LRTM3: variants seen among roughly 807,000 people sequenced by gnomAD.
LRTM3 encodes the protein leucine-rich repeat transmembrane protein 3.
the LRTM3 span, chr13:102,743,998 A>T: frequency 6.5e-7 from 1 of 1,550,282 alleles, no homozygotes; most frequent in Non-Finnish European, 8.7e-7. Context: ...TGTTAGATAG[A>T]ATGCACCTCG....
the LRTM3 span, chr13:102,745,704 G>T: frequency 6.4e-7 from 1 of 1,551,094 alleles, no homozygotes; most frequent in Admixed American, 2.0e-5. Context: ...CCACCAGCCT[G>T]TTCCTTTTGA....
At chr13:102,737,497 A>C in the LRTM3 span, 1 of 1,549,664 alleles carries the variant, frequency 6.5e-7, no homozygotes, top group Non-Finnish European at 8.7e-7. Context: ...CAGTTTCTCC[A>C]TCCCTGTTCC....
chr13:102,736,330 G>T, the LRTM3 span: 1 of 1,551,110 alleles, frequency 6.4e-7, no homozygotes, highest in Non-Finnish European at 8.7e-7. Flanking sequence ...GCTCAGTGAT[G>T]CTGAACACTT....
the LRTM3 span, among the ~76,000 whole-genome samples, chr13:102,756,338 T>C: frequency 4.0e-3 from 520 of 129,692 alleles, 19 homozygotes; most frequent in Admixed American, 0.036. Context: ...GGAGGTATAG[T>C]GAGTTAAGTC....
the LRTM3 span, chr13:102,748,164 T>G: frequency 6.4e-7 from 1 of 1,551,116 alleles, no homozygotes; most frequent in African/African-American, 1.4e-5. Context: ...GTAGTGTAAG[T>G]GGCACTGTGA....
the LRTM3 span, chr13:102,739,519 A>T: frequency 7.7e-6 from 12 of 1,550,424 alleles, no homozygotes; most frequent in Non-Finnish European, 1.0e-5. Flanking sequence ...ATGGTAAAGA[A>T]GTACACAAGT....
the LRTM3 span, chr13:102,748,726 G>C: frequency 6.5e-7 from 1 of 1,549,676 alleles, no homozygotes; most frequent in Non-Finnish European, 8.7e-7. Flanking sequence ...GTGTAATTGA[G>C]TCTTTAAGAG....
At chr13:102,746,320 T>A in the LRTM3 span, 3 of 1,550,936 alleles carry the variant, frequency 1.9e-6, no homozygotes, top group Non-Finnish European at 2.6e-6. Context: ...CATCTTGCAA[T>A]TTTTCCTCTC....
chr13:102,742,199 T>C, the LRTM3 span: 2 of 1,550,658 alleles, frequency 1.3e-6, no homozygotes, highest in South Asian at 1.2e-5. Context: ...CTTCTGCTGC[T>C]GGATGTTACC....
chr13:102,739,370 C>G, the LRTM3 span: 1 of 1,549,992 alleles, frequency 6.5e-7, no homozygotes. Flanking sequence ...TAAACTGTCT[C>G]TATTAATTGA....
chr13:102,745,194 T>A, the LRTM3 span: 2 of 1,550,890 alleles, frequency 1.3e-6, no homozygotes, highest in Non-Finnish European at 1.7e-6. Context: ...GAACGGAACA[T>A]GAAATGTTGC....
chr13:102,740,939 C>T, the LRTM3 span: 1 of 1,549,982 alleles, frequency 6.5e-7, no homozygotes, highest in East Asian at 2.4e-5. Context: ...TTCTTTTCTT[C>T]CTTTAATATT....
At chr13:102,734,819 T>G in the LRTM3 span, 30 of 1,551,034 alleles carry the variant, frequency 1.9e-5, no homozygotes, top group Non-Finnish European at 8.7e-7. Context: ...ACCTTCACAT[T>G]CCTGCACCTT....
At chr13:102,740,584 G>T in the LRTM3 span, 2 of 1,548,854 alleles carry the variant, frequency 1.3e-6, no homozygotes, top group South Asian at 1.2e-5. Flanking sequence ...ATCCAACTAT[G>T]ACATCCATTT....
At chr13:102,748,666 T>A in the LRTM3 span, 1 of 1,550,412 alleles carries the variant, frequency 6.4e-7, no homozygotes, top group Non-Finnish European at 8.7e-7. Context: ...GATCAAATGG[T>A]TTTTTACTAT....
At chr13:102,735,776 G>A in the LRTM3 span, 9 of 1,543,254 alleles carry the variant, frequency 5.8e-6, no homozygotes, top group East Asian at 2.2e-4. Context: ...CTTTAGTGGT[G>A]GAAAACTGAA....
chr13:102,739,963 C>G, the LRTM3 span: 99 of 1,550,404 alleles, frequency 6.4e-5, 1 homozygote, highest in East Asian at 2.2e-3. Flanking sequence ...CTGATTTCTT[C>G]CATTTCGAAG....
chr13:102,733,728 G>A, the LRTM3 span: 14 of 1,551,142 alleles, frequency 9.0e-6, no homozygotes, highest in Middle Eastern at 1.7e-4. Context: ...TCCTCATCCC[G>A]TGAGTTTAAA....
chr13:102,754,929 T>C, the LRTM3 span, among the ~76,000 whole-genome samples: 2 of 152,176 alleles, frequency 1.3e-5, no homozygotes, highest in South Asian at 2.1e-4. Context: ...CTTCAGGAAA[T>C]GCACTTCTGA....
Sources: allele counts gnomAD v4.1 joint callset (sites outside exome capture counted in the v4.1 genomes callset), GRCh38; gene constraint gnomAD v4.1.1; transcripts MANE v1.5; gene names NCBI Gene and HGNC (gene_info 2026-07-23, HGNC 2026-07-21).